FGF1: variants seen among roughly 807,000 people sequenced by gnomAD.
FGF1 encodes the protein fibroblast growth factor 1, also known as beta-endothelial cell growth factor.
In FGF1, 9 loss-of-function variants were observed where a neutral mutation model predicts 13.4. The ratio of observed to expected loss-of-function variants is 0.67; its 90% CI spans 0.40 to 1.17. The LOEUF is 1.17. Ranked by LOEUF, FGF1 falls within the 50% of genes most tolerant of loss-of-function variation. The pLI, the probability that FGF1 is intolerant of heterozygous loss-of-function variation, is 0.01. For synonymous variants in FGF1, 93 were observed against 79.0 expected (o/e 1.18, Z -0.94); for missense variants, 156 against 192.7 (o/e 0.81, Z 1.13).
At chr5:142,634,066 G>A (rs924343834) in intron 1 of FGF1, among the ~76,000 whole-genome samples, 1 of 151,682 alleles carries the variant, frequency 6.6e-6, no homozygotes, top group Non-Finnish European at 1.5e-5. Flanking sequence ...GGTGGCGGGC[G>A]CCTGTAGTCC....
At chr5:142,687,812 G>T (rs1304471259), upstream of FGF1, among the ~76,000 whole-genome samples, 1 of 152,128 alleles carries the variant, frequency 6.6e-6, no homozygotes, top group African/African-American at 2.4e-5. Flanking sequence ...ACTAAAACCA[G>T]GTCTCCCTGC....
chr5:142,617,183 G>A (rs1419198719), intron 1 of FGF1, among the ~76,000 whole-genome samples: 3 of 152,002 alleles, frequency 2.0e-5, no homozygotes, highest in African/African-American at 7.3e-5. Context: ...TGGCCAACAT[G>A]GCAAAAACCC....
intron 1 of FGF1, among the ~76,000 whole-genome samples, chr5:142,631,675 G>A (rs1254971435): frequency 6.6e-6 from 1 of 151,992 alleles, no homozygotes; most frequent in African/African-American, 2.4e-5. Context: ...CTCACCAGGG[G>A]TTAACACCCG....
At chr5:142,681,846 T>C (rs1240415954) in intron 1 of FGF1, among the ~76,000 whole-genome samples, 3 of 152,108 alleles carry the variant, frequency 2.0e-5, no homozygotes, top group African/African-American at 7.2e-5. Flanking sequence ...TTGTCATGAG[T>C]ATTGAGTGAG....
intron 1 of FGF1, among the ~76,000 whole-genome samples, chr5:142,628,519 A>T (rs1336556873): frequency 6.6e-6 from 1 of 152,224 alleles, no homozygotes; most frequent in Non-Finnish European, 1.5e-5. Context: ...CAAAATCATG[A>T]GGCTAGAGAT....
chr5:142,651,850 G>T (rs73284537), intron 1 of FGF1, among the ~76,000 whole-genome samples: 5,511 of 138,552 alleles, frequency 0.04, 155 homozygotes, highest in Middle Eastern at 0.15. Context: ...TTTTTGTGCT[G>T]AATAATATTC....
chr5:142,678,452 C>G (rs6580254), intron 1 of FGF1, among the ~76,000 whole-genome samples: 50,539 of 151,972 alleles, frequency 0.33, 9,103 homozygotes, highest in African/African-American at 0.48. Context: ...CAAACACCAA[C>G]CTGGGACTCT....
chr5:142,633,899 C>G (rs1466778192), intron 1 of FGF1, among the ~76,000 whole-genome samples: 1 of 152,096 alleles, frequency 6.6e-6, no homozygotes, highest in Non-Finnish European at 1.5e-5. Context: ...TCAAGACCTC[C>G]CTCGGCTGGG....
At chr5:142,693,147 T>C (rs1752507370) in intron 2 of FGF1, among the ~76,000 whole-genome samples, 1 of 152,146 alleles carries the variant, frequency 6.6e-6, no homozygotes, top group African/African-American at 2.4e-5. Flanking sequence ...CTCAGTGGAA[T>C]TGTGTGAGTG....
chr5:142,663,184 A>C (rs1328831383), intron 1 of FGF1, among the ~76,000 whole-genome samples: 1 of 152,072 alleles, frequency 6.6e-6, no homozygotes, highest in Non-Finnish European at 1.5e-5. Flanking sequence ...CTGAGTTGAG[A>C]CAGCCATACA....
intron 1 of FGF1, among the ~76,000 whole-genome samples, chr5:142,665,296 A>C (rs1770086391): frequency 1.4e-5 from 2 of 144,316 alleles, no homozygotes; most frequent in Admixed American, 1.4e-4. Flanking sequence ...CCCCTCGTCC[A>C]CCCCCTTGCC....
At chr5:142,675,888 C>T (rs1253448267) in intron 1 of FGF1, among the ~76,000 whole-genome samples, 4 of 152,186 alleles carry the variant, frequency 2.6e-5, no homozygotes, top group Non-Finnish European at 5.9e-5. Context: ...GAACTGAACA[C>T]CCCCTGGCTG....
chr5:142,632,011 C>G (rs1432063878), intron 1 of FGF1, among the ~76,000 whole-genome samples: 1 of 152,094 alleles, frequency 6.6e-6, no homozygotes, highest in East Asian at 1.9e-4. Flanking sequence ...GAACTCCTGA[C>G]CTCAGGTGAT....
intron 1 of FGF1, among the ~76,000 whole-genome samples, chr5:142,663,187 G>A (rs1378920031): frequency 6.6e-6 from 1 of 150,628 alleles, no homozygotes; most frequent in Non-Finnish European, 1.5e-5. Context: ...AGTTGAGACA[G>A]CCATACAAAG....
chr5:142,673,799 G>C (rs913556571), intron 1 of FGF1, among the ~76,000 whole-genome samples: 2 of 152,138 alleles, frequency 1.3e-5, no homozygotes, highest in Non-Finnish European at 2.9e-5. Flanking sequence ...TCAATCTTCA[G>C]CGAGGGTCTT....
intron 2 of FGF1, among the ~76,000 whole-genome samples, chr5:142,603,993 GT>G (rs1346890897): frequency 4.6e-5 from 7 of 152,220 alleles, no homozygotes; most frequent in African/African-American, 1.7e-4. Context: ...ACAGTGCTGA[GT>G]GGGAAGAAAG....
Position 142,683,491 on chromosome 5 carries a change from T to C in FGF1, c.-35+2466A>G, listed in dbSNP as rs373546236. On this transcript the variant is annotated intron_variant, in intron 1 of 3. Transcript: ENST00000337706. ...ATTTTGAGAACAAATGCATTCCTAATTTTGCTTTAAAGATAATATGGATTC... is the reference window on the plus strand; with the variant it reads ...ATTTTGAGAACAAATGCATTCCTAACTTTGCTTTAAAGATAATATGGATTC... 1.7e-3 allele frequency among the ~76,000 whole-genome samples: 253 copies of C among 152,328 alleles called. 1 individual carries two copies. Among genetic ancestry groups the C allele is most frequent in the African/African-American group, 5.8e-3 (242 of 41,574 alleles).
chr5:142,616,420 T>C (rs1275966482), intron 1 of FGF1, among the ~76,000 whole-genome samples: 1 of 152,214 alleles, frequency 6.6e-6, no homozygotes, highest in African/African-American at 2.4e-5. Flanking sequence ...CCATCCCATA[T>C]GGTGAAACTT....
intron 1 of FGF1, among the ~76,000 whole-genome samples, chr5:142,673,511 T>C (rs528375143): frequency 2.0e-4 from 31 of 152,334 alleles, no homozygotes; most frequent in African/African-American, 7.5e-4. Flanking sequence ...GCTTATACAA[T>C]TCTATGACTT....
Sources: allele counts gnomAD v4.1 joint callset (sites outside exome capture counted in the v4.1 genomes callset), GRCh38; gene constraint gnomAD v4.1.1; transcripts MANE v1.5; gene names NCBI Gene and HGNC (gene_info 2026-07-23, HGNC 2026-07-21).